Variants in SEMA4G observed in about 807,000 individuals in gnomAD.
SEMA4G encodes the protein semaphorin 4G, also known as semaphorin-4G.
In SEMA4G, 59 loss-of-function variants were observed where a neutral mutation model predicts 81.2. The ratio of observed to expected loss-of-function variants is 0.73; its 90% CI spans 0.59 to 0.90. The LOEUF is 0.90. SEMA4G is among the 40% of genes least tolerant of loss of function. The pLI is 0.00. For synonymous variants in SEMA4G, 404 were observed against 433.9 expected (o/e 0.93, Z 0.86); for missense variants, 952 against 1,102.3 (o/e 0.86, Z 1.93).
intron 4 of SEMA4G, 147 bp downstream of exon 5, chr10:100,977,877 G>A (rs1850869580): frequency 1.7e-5 from 11 of 662,766 alleles, no homozygotes; most frequent in South Asian, 1.1e-4. Flanking sequence ...CAGTGGCGGC[G>A]GGCTGCACTG....
upstream of SEMA4G, among the ~76,000 whole-genome samples, chr10:100,972,375 G>A (rs1445984180): frequency 6.6e-6 from 1 of 152,140 alleles, no homozygotes; most frequent in Non-Finnish European, 1.5e-5. Context: ...TCAGAGCAAA[G>A]CGATAGACAG....
chr10:100,980,058 C>G (rs1680940321), intron 9 of SEMA4G, 64 bp from the exon 11 acceptor site: 4 of 1,613,348 alleles, frequency 2.5e-6, no homozygotes, highest in Non-Finnish European at 3.4e-6. Flanking sequence ...AAGGGTCTGG[C>G]CTTGTGGAGA....
At chr10:100,978,757 C>T (rs1158261245) in intron 6 of SEMA4G, 92 bp from the exon 8 acceptor site, 3 of 1,565,070 alleles carry the variant, frequency 1.9e-6, no homozygotes, top group Admixed American at 3.4e-5. Flanking sequence ...CCATTCCATT[C>T]CTGTGTGTTG....
chr10:100,980,085 G>A, intron 9 of SEMA4G, 37 bp from the exon 11 acceptor site: 1 of 1,612,342 alleles, frequency 6.2e-7, no homozygotes, highest in Non-Finnish European at 8.5e-7. Flanking sequence ...GCAGGTGGTG[G>A]AGTCCCGAGG....
intron 3 of SEMA4G, chr10:100,975,079 G>C (rs766735243): frequency 1.9e-6 from 1 of 525,886 alleles, no homozygotes; most frequent in Non-Finnish European, 3.9e-6. Flanking sequence ...GTGCAGCACA[G>C]GTAGAAAATG....
At chr10:100,979,968 G>A (rs750677818) in exon 9 of SEMA4G, 2 of 1,614,076 alleles carry the variant, frequency 1.2e-6, no homozygotes, top group Non-Finnish European at 1.7e-6. Flanking sequence ...ATGAGGGTGG[G>A]GTGCCTGAGC....
rs796731612 is a variant in SEMA4G, at chr10:100,981,628, T to C, written c.1690+399T>C. On this transcript the variant is annotated intron_variant, in intron 13 of 13. Transcript: ENST00000370250. Reference sequence around the variant, plus strand: ...CCAGACACTGATCTAAATACTTCTATGCATGATGTCATCTACTGTCACAGC... The same window carrying C: ...CCAGACACTGATCTAAATACTTCTACGCATGATGTCATCTACTGTCACAGC... The C allele has an allele frequency of 2.9e-5, 43 of 1,498,144 alleles. No homozygotes were observed. The African/African-American group carries it at 4.7e-4, about 16-fold the overall frequency. 92.8% of individuals were successfully genotyped at this position (1,498,144 alleles called of 1,614,324 possible). A position where few individuals can be genotyped will look rare whatever the true frequency, so the allele number is the denominator to read the frequency against.
chr10:100,980,931 G>C (rs1260199125), exon 12 of SEMA4G: 2 of 1,611,614 alleles, frequency 1.2e-6, no homozygotes, highest in Admixed American at 3.4e-5. Flanking sequence ...CCCTACTGTG[G>C]CTGGGACCCT....
At chr10:100,983,313 C>T (rs1327563265) in exon 14 of SEMA4G, 2 of 1,544,494 alleles carry the variant, frequency 1.3e-6, no homozygotes, top group Admixed American at 1.9e-5. Flanking sequence ...AGGGCCACCA[C>T]CACCACTGAA....
At chr10:100,981,631 A>G in intron 13 of SEMA4G, 1 of 1,485,750 alleles carries the variant, frequency 6.7e-7, no homozygotes, top group Non-Finnish European at 9.3e-7. Flanking sequence ...ACTTCTATGC[A>G]TGATGTCATC....
Position 100,973,303 on chromosome 10 carries a change from C to A in SEMA4G, c.273+26C>A, listed in dbSNP as rs201084792. The A allele has an allele frequency of 3.6e-5, 58 of 1,610,546 alleles. 1 individual carries two copies. The African/African-American group carries it at 5.1e-4, about 14-fold the overall frequency. On this transcript the variant is annotated intron_variant, in intron 2 of 13. Coordinates refer to ENST00000370250, the Ensembl canonical transcript of SEMA4G. The surrounding 1 kb of genome is among the most constrained non-coding windows in gnomAD (Gnocchi z 5.5). ...GTCAGGCCCTGGAACCTGGACCACC[C>A]AGAGGGTCTCTATGCTTATCCAGCT...
At chr10:100,978,670 G>A in intron 6 of SEMA4G, 30 bp downstream of exon 7, 1 of 1,596,050 alleles carries the variant, frequency 6.3e-7, no homozygotes, top group Non-Finnish European at 8.6e-7. Flanking sequence ...GGATGATGGG[G>A]GGTAGGGGAC....
exon 14 of SEMA4G, chr10:100,984,429 T>G: frequency 1.3e-6 from 2 of 1,488,258 alleles, no homozygotes; most frequent in Non-Finnish European, 1.8e-6. Context: ...TAAACACTTA[T>G]AGGTGAGGAC....
intron 6 of SEMA4G, 82 bp downstream of exon 7, chr10:100,978,722 C>T: frequency 6.5e-7 from 1 of 1,545,652 alleles, no homozygotes; most frequent in Non-Finnish European, 8.9e-7. Flanking sequence ...GACCACCCCA[C>T]CCCCAAATCC....
chr10:100,981,367 G>A, intron 13 of SEMA4G, 138 bp downstream of exon 14: 1 of 1,608,276 alleles, frequency 6.2e-7, no homozygotes, highest in Admixed American at 1.7e-5. Context: ...CACAGAGCCT[G>A]GCACAGAGTA....
chr10:100,981,526 G>A (rs202196427), intron 13 of SEMA4G: 116 of 1,613,892 alleles, frequency 7.2e-5, no homozygotes, highest in Non-Finnish European at 9.2e-5. Context: ...AAGGAAGATC[G>A]GATGACTGAA....
At position 100,979,982 on chromosome 10, in the gene SEMA4G, G is replaced by A. The variant is rs147630038; in HGVS notation, c.1118G>A (p.Arg373Gln). ...TATGAGGGTGGGGTGCCTGAGCCCC[G>A]GCCTGGCTCGGTGAGTGCCCAGGCC... The change falls in exon 9 of 14, where the codon CGG (arginine) becomes CAG (glutamine). Residue 373 changes from arginine (R) to glutamine (Q), a missense_variant. Arg to Gln is a conservative substitution (Grantham distance 43, BLOSUM62 1). Transcript: ENST00000370250. The A allele has an allele frequency of 1.8e-5, 29 of 1,614,050 alleles. No individual in the cohort carries two copies. Among genetic ancestry groups the A allele is most frequent in the Middle Eastern group, 1.6e-4 (1 of 6,062 alleles).
intron 12 of SEMA4G, 53 bp downstream of exon 13, chr10:100,981,050 G>A: frequency 3.8e-6 from 6 of 1,597,246 alleles, no homozygotes; most frequent in South Asian, 3.4e-5. Context: ...GAGGAGGAAG[G>A]CCTGATAGCT....
At chr10:100,971,022 C>T (rs1850614729), upstream of SEMA4G, among the ~76,000 whole-genome samples, 1 of 152,092 alleles carries the variant, frequency 6.6e-6, no homozygotes, top group Admixed American at 6.5e-5. Flanking sequence ...TGGCTGTGGC[C>T]CTCTGTATGA....
Sources: gnomAD v4.1 joint callset for allele counts (sites outside exome capture counted in the v4.1 genomes callset) on GRCh38, gnomAD v4.1.1 for gene constraint, Gnocchi (gnomAD v3.1) non-coding constraint, MANE v1.5 for transcripts, NCBI Gene and HGNC (gene_info 2026-07-23, HGNC 2026-07-21) for gene names.